The following ASIC2 variants were observed in gnomAD, a reference collection of about 807,000 sequenced individuals.
The protein encoded by ASIC2 is acid sensing ion channel subunit 2, also known as acid-sensing ion channel 2.
A neutral mutation model predicts 57.3 loss-of-function variants in ASIC2; 25 were observed. The observed-to-expected ratio is 0.44, with a 90% confidence interval of 0.32 to 0.61. ASIC2 has a LOEUF of 0.61. Ranked by LOEUF, ASIC2 falls within the 20% of genes least tolerant of loss-of-function variation. The probability of loss-of-function intolerance (pLI) is 0.06; values close to 1 mark genes in which losing one functional copy is unlikely to be tolerated. For missense variants in ASIC2, 641 were observed against 738.1 expected (o/e 0.87, Z 1.52); for synonymous variants, 319 against 307.5 (o/e 1.04, Z -0.39).
At chr17:33,972,394 G>T (rs1398983075) in intron 1 of ASIC2, among the ~76,000 whole-genome samples, 1 of 152,122 alleles carries the variant, frequency 6.6e-6, no homozygotes, top group African/African-American at 2.4e-5. Flanking sequence ...AGTAGTTTCT[G>T]TTTCTTTAAA....
intron 1 of ASIC2, among the ~76,000 whole-genome samples, chr17:33,337,539 G>T (rs149340924): frequency 1.7e-3 from 259 of 152,340 alleles, no homozygotes; most frequent in Middle Eastern, 3.4e-3. Flanking sequence ...GTTCAAAGGG[G>T]ATAGTAATGC....
chr17:34,098,436 T>C (rs568340914), intron 1 of ASIC2, among the ~76,000 whole-genome samples: 25 of 152,174 alleles, frequency 1.6e-4, no homozygotes, highest in Non-Finnish European at 3.2e-4. Flanking sequence ...GGAAATACTA[T>C]AGCTTTGCCC....
In ASIC2 at chr17:33,347,669, G is replaced by A. The variant is rs958505306; in HGVS notation, c.556-235602C>T. Among the ~76,000 whole-genome samples the A allele has an allele frequency of 4.6e-5, 7 of 152,152 alleles. No homozygotes were observed. In the East Asian group the frequency reaches 1.2e-3, roughly 25 times the overall value. ...TCAGAATTGCTGAAACAGAAACATCGAAGGAGGGTGGGGGCTGGTAGGATA... is the reference window on the plus strand; with the variant it reads ...TCAGAATTGCTGAAACAGAAACATCAAAGGAGGGTGGGGGCTGGTAGGATA... On this transcript the variant is annotated intron_variant, in intron 1 of 9. Transcript: ENST00000359872.
chr17:33,015,819 T>G lies in ASIC2; in HGVS notation c.1590+152A>C, dbSNP rs201556274. ...AGAGAGGCTCGAGGCTCAGCTGGAG[T>G]GTCCTTGGATTTGGGAACTGACAGC... On this transcript the variant is annotated intron_variant, in intron 9 of 9. Coordinates refer to ENST00000225823, the MANE Select transcript of ASIC2 (RefSeq NM_183377.2). 82 of 720,694 alleles carry G rather than the reference T, an allele frequency of 1.1e-4. No individual in the cohort carries two copies. The East Asian group carries it at 1.9e-3, about 17-fold the overall frequency. The allele number at this position is 720,694 out of a possible 1,614,324, so 44.6% of individuals were successfully genotyped here. A position where few individuals can be genotyped will look rare whatever the true frequency, so the allele number is the denominator to read the frequency against.
chr17:34,028,656 A>T (rs1276081305), intron 1 of ASIC2, among the ~76,000 whole-genome samples: 2 of 152,190 alleles, frequency 1.3e-5, no homozygotes, highest in Non-Finnish European at 2.9e-5. Context: ...TGGAGTCATA[A>T]AATATTGGAA....
chr17:33,729,037 G>A (rs1429400870), intron 1 of ASIC2, among the ~76,000 whole-genome samples: 2 of 152,118 alleles, frequency 1.3e-5, no homozygotes, highest in Non-Finnish European at 2.9e-5. Context: ...TGGAAGAAAA[G>A]GAAAATCACC....
intron 1 of ASIC2, among the ~76,000 whole-genome samples, chr17:33,391,935 T>G (rs1909906090): frequency 6.6e-6 from 1 of 152,210 alleles, no homozygotes; most frequent in African/African-American, 2.4e-5. Flanking sequence ...ATCCTATAAC[T>G]TACAACTGAT....
At chr17:33,453,284 G>GAA (rs3057620) in intron 1 of ASIC2, among the ~76,000 whole-genome samples, 3 of 129,660 alleles carry the variant, frequency 2.3e-5, no homozygotes, top group Non-Finnish European at 4.9e-5. Context: ...CAAAGCAGGT[G>GAA]AAAAAAAAAA....
chr17:33,397,022 A>G (rs1415776357), intron 1 of ASIC2, among the ~76,000 whole-genome samples: 1 of 152,230 alleles, frequency 6.6e-6, no homozygotes, highest in African/African-American at 2.4e-5. Flanking sequence ...ATGTCATCAA[A>G]CACTAGAACT....
chr17:33,064,826 GTA>G (rs2092036402), intron 3 of ASIC2, among the ~76,000 whole-genome samples: 1 of 152,226 alleles, frequency 6.6e-6, no homozygotes, highest in African/African-American at 2.4e-5. Context: ...TTCAAACTCA[GTA>G]TGTCTTTTGG....
intron 1 of ASIC2, among the ~76,000 whole-genome samples, chr17:33,432,361 C>A (rs1028078569): frequency 1.3e-5 from 2 of 152,092 alleles, no homozygotes; most frequent in Admixed American, 6.5e-5. Flanking sequence ...ACAAAAAGTA[C>A]AAAAATTGGC....
At chr17:34,011,874 C>T (rs2142022324) in intron 1 of ASIC2, among the ~76,000 whole-genome samples, 1 of 152,320 alleles carries the variant, frequency 6.6e-6, no homozygotes, top group African/African-American at 2.4e-5. Flanking sequence ...ACCCTTCAGA[C>T]ACTCCTGTGT....
At chr17:33,772,339 C>T (rs1911138412) in intron 1 of ASIC2, among the ~76,000 whole-genome samples, 1 of 152,192 alleles carries the variant, frequency 6.6e-6, no homozygotes, top group Admixed American at 6.5e-5. Flanking sequence ...AGCATTAGAT[C>T]ATACCCTTTT....
At chr17:34,071,078 C>G (rs777218361) in intron 1 of ASIC2, 14 of 145,302 alleles carry the variant, frequency 9.6e-5, no homozygotes, top group African/African-American at 2.6e-4. Flanking sequence ...GTCAGTAGGT[C>G]CCCTTTTGGC....
At chr17:34,060,590 A>T (rs1316655896) in intron 1 of ASIC2, among the ~76,000 whole-genome samples, 1 of 152,182 alleles carries the variant, frequency 6.6e-6, no homozygotes, top group Non-Finnish European at 1.5e-5. Flanking sequence ...CAAGGAAATA[A>T]AAAAAATGAT....
intron 2 of ASIC2, among the ~76,000 whole-genome samples, chr17:33,108,975 T>C (rs753468388): frequency 2.3e-4 from 35 of 152,172 alleles, no homozygotes; most frequent in Middle Eastern, 3.2e-3. Context: ...CTCTCCAATA[T>C]GGTAGCCACT....
intron 1 of ASIC2, among the ~76,000 whole-genome samples, chr17:33,470,238 G>C (rs1028093691): frequency 3.3e-5 from 5 of 152,104 alleles, no homozygotes; most frequent in African/African-American, 1.2e-4. Flanking sequence ...TAAACCAATG[G>C]ACAAGTCTCT....
intron 1 of ASIC2, among the ~76,000 whole-genome samples, chr17:33,954,530 A>G (rs1222244552): frequency 1.2e-4 from 19 of 152,214 alleles, no homozygotes; most frequent in Admixed American, 1.2e-3. Context: ...AAAGCAAAAC[A>G]TCATTAAGAT....
intron 1 of ASIC2, among the ~76,000 whole-genome samples, chr17:33,180,623 C>T (rs1905943206): frequency 6.6e-6 from 1 of 152,174 alleles, no homozygotes; most frequent in Admixed American, 6.5e-5. Context: ...CACCACCAGG[C>T]CTTGGCAGGG....
Sources: gnomAD v4.1 joint callset for allele counts (sites outside exome capture counted in the v4.1 genomes callset) on GRCh38, gnomAD v4.1.1 for gene constraint, MANE v1.5 for transcripts, NCBI Gene and HGNC (gene_info 2026-07-23, HGNC 2026-07-21) for gene names.